The following GKAP1 variants were observed in gnomAD, a reference collection of about 807,000 sequenced individuals.
The protein encoded by GKAP1 is G kinase-anchoring protein 1.
Under a neutral mutation model 56.7 loss-of-function variants are expected in GKAP1, and 31 were observed. The ratio of observed to expected loss-of-function variants is 0.55; its 90% CI spans 0.41 to 0.74. The LOEUF is 0.74. Among genes scored for constraint, GKAP1 ranks in the 30% least tolerant of loss-of-function variants. The pLI is 0.00. For synonymous variants in GKAP1, 151 were observed against 138.6 expected (o/e 1.09, Z -0.63); for missense variants, 364 against 402.3 (o/e 0.90, Z 0.82).
At chr9:83,769,052 A>G (rs1256054205) in intron 7 of GKAP1, 82 bp from the exon 8 acceptor site, 2 of 1,058,586 alleles carry the variant, frequency 1.9e-6, no homozygotes, top group East Asian at 4.8e-5. Context: ...ACAAGAAGGG[A>G]TATGCATTTA....
At position 83,780,688 on chromosome 9, in the gene GKAP1, T is replaced by C. The variant is rs376240218; in HGVS notation, c.563-284A>G. On this transcript the variant is annotated intron_variant, in intron 6 of 12. Transcript: ENST00000376371. Reference sequence around the variant, plus strand: ...ATTATTGCATTTTAAGCATATGAGTTCCACATAATCTAGTTTTTTGGTTCC... The same window carrying C: ...ATTATTGCATTTTAAGCATATGAGTCCCACATAATCTAGTTTTTTGGTTCC... Among the ~76,000 whole-genome samples the C allele has an allele frequency of 7.9e-5, 12 of 152,254 alleles. No individual in the cohort carries two copies. The South Asian group carries it at 2.5e-3, about 32-fold the overall frequency.
intron 6 of GKAP1, among the ~76,000 whole-genome samples, chr9:83,780,668 T>A (rs1474045920): frequency 6.6e-6 from 1 of 152,156 alleles, no homozygotes; most frequent in Non-Finnish European, 1.5e-5. Flanking sequence ...GGGATATTAT[T>A]GCATTTTAAG....
intron 4 of GKAP1, among the ~76,000 whole-genome samples, chr9:83,798,762 C>A (rs758217926): frequency 2.6e-5 from 4 of 152,016 alleles, no homozygotes; most frequent in Non-Finnish European, 2.9e-5. Context: ...GCCATCCACC[C>A]GCCTCAGACT....
intron 6 of GKAP1, among the ~76,000 whole-genome samples, chr9:83,783,069 G>C (rs1175550599): frequency 6.6e-6 from 1 of 152,142 alleles, no homozygotes; most frequent in African/African-American, 2.4e-5. Flanking sequence ...GATCCTCAAA[G>C]GAAAACAATA....
At chr9:83,798,051 T>C (rs1009435311) in intron 4 of GKAP1, among the ~76,000 whole-genome samples, 1 of 152,188 alleles carries the variant, frequency 6.6e-6, no homozygotes, top group African/African-American at 2.4e-5. Context: ...CATGGCTCTA[T>C]AGTAATAATT....
At chr9:83,780,465 T>TAA (rs200663185) in intron 6 of GKAP1, 61 bp from the exon 7 acceptor site, 5,238 of 210,094 alleles carry the variant, frequency 0.025, 20 homozygotes, top group East Asian at 0.035. Flanking sequence ...TACAAAAATG[T>TAA]AAAAAAAAAA....
intron 8 of GKAP1, among the ~76,000 whole-genome samples, chr9:83,760,168 G>A (rs745738436): frequency 3.3e-5 from 5 of 151,978 alleles, no homozygotes; most frequent in African/African-American, 1.2e-4. Flanking sequence ...CCATGAAGAC[G>A]TAAAAGAGAT....
intron 7 of GKAP1, among the ~76,000 whole-genome samples, chr9:83,774,231 C>A (rs947986626): frequency 6.6e-6 from 1 of 151,930 alleles, no homozygotes; most frequent in Non-Finnish European, 1.5e-5. Flanking sequence ...CCTAAAACTA[C>A]AAGAATCCTA....
At chr9:83,815,576 AC>A (rs1944571516) in intron 2 of GKAP1, among the ~76,000 whole-genome samples, 4 of 150,166 alleles carry the variant, frequency 2.7e-5, no homozygotes, top group Admixed American at 1.3e-4. Flanking sequence ...TTCAGAAAAC[AC>A]ACACACACAC....
intron 8 of GKAP1, among the ~76,000 whole-genome samples, chr9:83,755,307 T>C (rs186089383): frequency 4.1e-4 from 63 of 152,216 alleles, no homozygotes; most frequent in Admixed American, 1.4e-3. Context: ...TCACTAAAAA[T>C]GGTGATATAG....
chr9:83,762,130 T>C (rs995882392), intron 8 of GKAP1, among the ~76,000 whole-genome samples: 17 of 152,160 alleles, frequency 1.1e-4, no homozygotes, highest in African/African-American at 7.2e-5. Flanking sequence ...TGTCTGCAGA[T>C]GGTATCACTT....
chr9:83,812,858 G>C (rs1944530958), intron 2 of GKAP1, among the ~76,000 whole-genome samples: 1 of 152,110 alleles, frequency 6.6e-6, no homozygotes. Context: ...AAACGACAGA[G>C]AGCAACTATC....
chr9:83,810,580 G>T (rs1944493857), intron 2 of GKAP1, among the ~76,000 whole-genome samples: 1 of 152,072 alleles, frequency 6.6e-6, no homozygotes, highest in Non-Finnish European at 1.5e-5. Flanking sequence ...GATGCCTCTG[G>T]TTCTTTATGT....
intron 7 of GKAP1, among the ~76,000 whole-genome samples, chr9:83,775,314 C>T (rs570948571): frequency 2.0e-5 from 3 of 152,218 alleles, no homozygotes; most frequent in Admixed American, 6.5e-5. Context: ...GCTCTGGGCT[C>T]GTCTTGTATA....
chr9:83,780,834 G>T (rs1943959692), intron 6 of GKAP1, among the ~76,000 whole-genome samples: 1 of 152,084 alleles, frequency 6.6e-6, no homozygotes, highest in Non-Finnish European at 1.5e-5. Flanking sequence ...TGAAAAGGTA[G>T]AATAGTAATT....
At chr9:83,799,411 T>A in intron 3 of GKAP1, 83 bp from the exon 4 acceptor site, 1 of 1,029,006 alleles carries the variant, frequency 9.7e-7, no homozygotes, top group South Asian at 1.5e-5. Flanking sequence ...AAAAAACCAA[T>A]GATATTTTTA....
chr9:83,763,535 T>C (rs1384675077), intron 8 of GKAP1, among the ~76,000 whole-genome samples: 1 of 152,160 alleles, frequency 6.6e-6, no homozygotes, highest in Non-Finnish European at 1.5e-5. Context: ...CCCATAAATA[T>C]ATACACCTAC....
intron 8 of GKAP1, among the ~76,000 whole-genome samples, chr9:83,759,014 A>G (rs1943524888): frequency 1.3e-5 from 2 of 152,128 alleles, no homozygotes; most frequent in Admixed American, 1.3e-4. Flanking sequence ...TTTTTCATTT[A>G]TGAAAAACTT....
chr9:83,741,803 T>C (rs544875452), intron 12 of GKAP1, 149 bp downstream of exon 12: 3 of 593,904 alleles, frequency 5.1e-6, no homozygotes, highest in Non-Finnish European at 8.8e-6. Context: ...ATCTTCTACA[T>C]TGTAAATTAT....
Sources: gnomAD v4.1 joint callset for allele counts (sites outside exome capture counted in the v4.1 genomes callset) on GRCh38, gnomAD v4.1.1 for gene constraint, MANE v1.5 for transcripts, NCBI Gene and HGNC (gene_info 2026-07-23, HGNC 2026-07-21) for gene names.